TTC27: variants seen among roughly 807,000 people sequenced by gnomAD.
TTC27 encodes the protein tetratricopeptide repeat protein 27.
TTC27 carries 79 observed loss-of-function variants against 115.9 expected under a neutral mutation model. The observed-to-expected ratio is 0.68, with a 90% CI of 0.57 to 0.82. TTC27 has a LOEUF of 0.82. TTC27 is among the 40% of genes least tolerant of loss of function. The probability of loss-of-function intolerance (pLI) is 0.00; values close to 1 mark genes in which losing one functional copy is unlikely to be tolerated. For missense variants in TTC27, 1,054 were observed against 993.1 expected (o/e 1.06, Z -0.82); for synonymous variants, 401 against 356.0 (o/e 1.13, Z -1.42).
At chr2:32,815,391 C>G (rs1239327379) in intron 18 of TTC27, among the ~76,000 whole-genome samples, 1 of 151,694 alleles carries the variant, frequency 6.6e-6, no homozygotes, top group African/African-American at 2.4e-5. Flanking sequence ...GCGCCCACCA[C>G]CACGCCCGGC....
intron 10 of TTC27, among the ~76,000 whole-genome samples, chr2:32,710,715 C>T (rs547404487): frequency 1.9e-4 from 29 of 152,106 alleles, no homozygotes; most frequent in African/African-American, 5.3e-4. Flanking sequence ...AGACGTGAGC[C>T]ACCACGCCCA....
At chr2:32,677,695 C>T (rs1402760059) in intron 8 of TTC27, among the ~76,000 whole-genome samples, 1 of 152,070 alleles carries the variant, frequency 6.6e-6, no homozygotes, top group Non-Finnish European at 1.5e-5. Flanking sequence ...ATGATTCATT[C>T]GCCTGCCTCA....
intron 3 of TTC27, among the ~76,000 whole-genome samples, chr2:32,635,956 T>C (rs1664408542): frequency 6.6e-6 from 1 of 152,328 alleles, no homozygotes; most frequent in East Asian, 1.9e-4. Flanking sequence ...AGGGAATTTA[T>C]AATTTATATT....
chr2:32,633,746 A>G, intron 2 of TTC27, 130 bp from the exon 3 acceptor site: 2 of 1,050,684 alleles, frequency 1.9e-6, no homozygotes, highest in Non-Finnish European at 1.3e-6. Context: ...TTTTTTGGTA[A>G]TACTCTAGGA....
chr2:32,794,060 T>TATG (rs1670624347), intron 16 of TTC27, among the ~76,000 whole-genome samples: 1 of 152,028 alleles, frequency 6.6e-6, no homozygotes. Context: ...AAGGGGTGAG[T>TATG]ATGGCTCTGT....
intron 14 of TTC27, 102 bp downstream of exon 14, chr2:32,778,082 A>G: frequency 9.0e-7 from 1 of 1,114,864 alleles, no homozygotes; most frequent in Non-Finnish European, 1.3e-6. Flanking sequence ...GTGTTGGAGG[A>G]AAGTGTACAT....
At chr2:32,714,995 A>C (rs1667707081) in intron 10 of TTC27, among the ~76,000 whole-genome samples, 1 of 151,918 alleles carries the variant, frequency 6.6e-6, no homozygotes, top group Non-Finnish European at 1.5e-5. Flanking sequence ...TGTTGGATGC[A>C]TTTGCAAATA....
At chr2:32,782,243 G>A (rs1037832215) in intron 14 of TTC27, among the ~76,000 whole-genome samples, 2 of 152,244 alleles carry the variant, frequency 1.3e-5, no homozygotes, top group Non-Finnish European at 2.9e-5. Flanking sequence ...ATCCGGTGAA[G>A]AAGGATGACA....
At chr2:32,669,061 AGAGT>A (rs1272859417) in intron 7 of TTC27, among the ~76,000 whole-genome samples, 1 of 152,110 alleles carries the variant, frequency 6.6e-6, no homozygotes, top group Non-Finnish European at 1.5e-5. Context: ...GCTGGGCGAC[AGAGT>A]GAGACTCCAT....
chr2:32,728,207 A>G (rs1471141449), intron 10 of TTC27, among the ~76,000 whole-genome samples: 2 of 151,532 alleles, frequency 1.3e-5, no homozygotes, highest in African/African-American at 4.9e-5. Flanking sequence ...CGCCCGGCTA[A>G]TTTTTTTGTA....
chr2:32,678,550 C>G lies in TTC27; in HGVS notation c.1053-306C>G, dbSNP rs576053907. Among the ~76,000 whole-genome samples the G allele has an allele frequency of 1.2e-3, 178 of 152,162 alleles. 1 individual carries two copies. The highest frequency in any genetic ancestry group is 4.2e-3 in the African/African-American group (173 of 41,522). On this transcript the variant is annotated intron_variant, in intron 8 of 19. Transcript: ENST00000317907. ...TCACGCCATTCTCCTGCCTCAGCCT[C>G]CCGAGTAGCTGGGACTACAGGTACT...
At chr2:32,666,290 A>C (rs1455447233) in intron 6 of TTC27, among the ~76,000 whole-genome samples, 1 of 151,902 alleles carries the variant, frequency 6.6e-6, no homozygotes, top group Non-Finnish European at 1.5e-5. Context: ...ATTCTTTAGA[A>C]CTTTTGTTTC....
At chr2:32,702,150 T>C (rs1017785279) in intron 9 of TTC27, among the ~76,000 whole-genome samples, 4 of 152,200 alleles carry the variant, frequency 2.6e-5, no homozygotes, top group African/African-American at 9.7e-5. Flanking sequence ...CAGTGATTAA[T>C]TGTACTCTAA....
chr2:32,777,725 A>G (rs1670043806), intron 13 of TTC27, among the ~76,000 whole-genome samples, 157 bp from the exon 14 acceptor site: 1 of 152,224 alleles, frequency 6.6e-6, no homozygotes, highest in African/African-American at 2.4e-5. Flanking sequence ...CCATTGCTAA[A>G]TATTCTACAT....
rs973941932 is a variant in TTC27, at chr2:32,736,596, G to A, written c.1330-98G>A. 14 of 1,305,100 alleles carry A rather than the reference G, an allele frequency of 1.1e-5. No homozygotes were observed. The Middle Eastern group carries it at 6.4e-4, about 59-fold the overall frequency. 80.8% of individuals were successfully genotyped at this position (1,305,100 alleles called of 1,614,324 possible). A position where few individuals can be genotyped will look rare whatever the true frequency, so the allele number is the denominator to read the frequency against. ...AGAATTTATACATTTATTACAATAA[G>A]CAGACCCCTAAAAAGGCAGATTAGG... On this transcript the variant is annotated intron_variant, in intron 11 of 19. Transcript: ENST00000317907.
intron 10 of TTC27, among the ~76,000 whole-genome samples, chr2:32,715,094 A>G (rs1667710632): frequency 6.6e-6 from 1 of 151,948 alleles, no homozygotes; most frequent in Non-Finnish European, 1.5e-5. Flanking sequence ...CCATTTGTCA[A>G]TTTTTGTTTT....
chr2:32,720,337 T>C (rs1667882140), intron 10 of TTC27, among the ~76,000 whole-genome samples: 1 of 152,238 alleles, frequency 6.6e-6, no homozygotes, highest in South Asian at 2.1e-4. Flanking sequence ...GGATGTTTGC[T>C]AAATGATGAA....
At chr2:32,687,709 G>C (rs1666681615) in intron 9 of TTC27, among the ~76,000 whole-genome samples, 1 of 152,150 alleles carries the variant, frequency 6.6e-6, no homozygotes, top group Non-Finnish European at 1.5e-5. Flanking sequence ...TCCAGAGACA[G>C]AGAGGACAAC....
At chr2:32,764,573 C>T (rs1327792160) in intron 13 of TTC27, among the ~76,000 whole-genome samples, 3 of 152,186 alleles carry the variant, frequency 2.0e-5, no homozygotes, top group Non-Finnish European at 4.4e-5. Flanking sequence ...GCTGGAGTAG[C>T]TGTGGCAATT....
Sources: allele counts gnomAD v4.1 joint callset (sites outside exome capture counted in the v4.1 genomes callset), GRCh38; gene constraint gnomAD v4.1.1; transcripts MANE v1.5; gene names NCBI Gene and HGNC (gene_info 2026-07-23, HGNC 2026-07-21).